EXT2: variants seen among roughly 807,000 people sequenced by gnomAD.
The protein encoded by EXT2 is exostosin-2.
Under a neutral mutation model 81.6 loss-of-function variants are expected in EXT2, and 53 were observed. The observed-to-expected ratio is 0.65, with a 90% confidence interval of 0.52 to 0.82. The LOEUF is 0.82. EXT2 is among the 40% of genes least tolerant of loss of function. The pLI, the probability that EXT2 is intolerant of heterozygous loss-of-function variation, is 0.00. For synonymous variants in EXT2, 320 were observed against 340.0 expected (o/e 0.94, Z 0.65); for missense variants, 774 against 910.2 (o/e 0.85, Z 1.93).
At position 44,117,152 on chromosome 11, in the gene EXT2, A is replaced by G. The variant is rs138899966; in HGVS notation, c.743+2851A>G. On this transcript the variant is annotated intron_variant, in intron 4 of 13. Transcript: ENST00000533608. ...GCCCAGCTAATTTTGTATTTTTTGC[A>G]GAGACGGGGTTTCTCCATGTTTGTC... 5.7e-3 allele frequency among the ~76,000 whole-genome samples: 871 copies of G among 152,086 alleles called. 6 individuals carry two copies. The highest frequency in any genetic ancestry group is 0.011 in the Admixed American group (167 of 15,282).
intron 4 of EXT2, among the ~76,000 whole-genome samples, chr11:44,117,941 A>G (rs970095641): frequency 3.3e-5 from 5 of 151,960 alleles, no homozygotes; most frequent in African/African-American, 9.7e-5. Flanking sequence ...TTTTATAGAG[A>G]TGGGTTCTTG....
At chr11:44,100,434 A>G (rs183056741) in intron 1 of EXT2, among the ~76,000 whole-genome samples, 57 of 152,320 alleles carry the variant, frequency 3.7e-4, no homozygotes, top group African/African-American at 1.3e-3. Flanking sequence ...GACTGTCACC[A>G]CGAGTGGTTT....
intron 7 of EXT2, among the ~76,000 whole-genome samples, chr11:44,160,011 CA>C (rs1363759122): frequency 2.0e-5 from 3 of 152,212 alleles, no homozygotes; most frequent in African/African-American, 7.2e-5. Context: ...TTGTTAAGAA[CA>C]AAATGCTCTG....
intron 10 of EXT2, among the ~76,000 whole-genome samples, chr11:44,225,920 GTCT>G (rs1955833799): frequency 6.6e-6 from 1 of 152,216 alleles, no homozygotes; most frequent in South Asian, 2.1e-4. Context: ...CAAAGTGTGA[GTCT>G]TCTTATTATC....
chr11:44,240,162 A>T (rs1389273507), intron 13 of EXT2, among the ~76,000 whole-genome samples: 4 of 152,186 alleles, frequency 2.6e-5, no homozygotes, highest in African/African-American at 7.2e-5. Context: ...TTGGATATGG[A>T]TGGCTAACTG....
chr11:44,205,232 G>A (rs1955568394), intron 9 of EXT2, among the ~76,000 whole-genome samples: 1 of 152,150 alleles, frequency 6.6e-6, no homozygotes, highest in East Asian at 1.9e-4. Flanking sequence ...TAAAGCATCT[G>A]GCATATATTA....
At chr11:44,131,938 A>T (rs535647301) in intron 7 of EXT2, among the ~76,000 whole-genome samples, 30 of 152,240 alleles carry the variant, frequency 2.0e-4, no homozygotes, top group African/African-American at 6.5e-4. Context: ...GGATTTCACC[A>T]TGTTGGCCAG....
At chr11:44,242,302 G>A (rs1956046760) in intron 13 of EXT2, among the ~76,000 whole-genome samples, 1 of 152,134 alleles carries the variant, frequency 6.6e-6, no homozygotes, top group African/African-American at 2.4e-5. Context: ...GCCATGCTTT[G>A]ACCCCATAAT....
chr11:44,103,697 A>T, intron 1 of EXT2: 1 of 454,834 alleles, frequency 2.2e-6, no homozygotes, highest in African/African-American at 2.1e-5. Flanking sequence ...CAGTGTCTTT[A>T]ATGTTATAGA....
chr11:44,221,153 A>AG (rs1955777351), intron 10 of EXT2, among the ~76,000 whole-genome samples: 1 of 152,142 alleles, frequency 6.6e-6, no homozygotes, highest in Admixed American at 6.5e-5. Context: ...TGCCCATCTG[A>AG]GGGTCTCTCC....
At chr11:44,215,865 ATTTTTTTTTT>A (rs34411687) in intron 10 of EXT2, among the ~76,000 whole-genome samples, 1 of 127,828 alleles carries the variant, frequency 7.8e-6, no homozygotes, top group Non-Finnish European at 1.6e-5. Context: ...CCATTTGGGA[ATTTTTTTTTT>A]TTTTTTTTTT....
rs545774716 is a variant in EXT2, at chr11:44,248,737, C to T, written c.*4450C>T. ...CATTAAATGGACTGTTAGGGATGCC[C>T]AGCTTCCCCAATTTCCTGGGAGGGT... On this transcript the variant is annotated 3_prime_UTR_variant, in exon 14 of 14. Transcript: ENST00000533608. 4.6e-5 allele frequency among the ~76,000 whole-genome samples: 7 copies of T among 152,292 alleles called. No homozygotes were observed. Among genetic ancestry groups the T allele is most frequent in the Non-Finnish European group, 8.8e-5 (6 of 68,028 alleles).
At chr11:44,105,382 C>T (rs1394859690) in intron 1 of EXT2, among the ~76,000 whole-genome samples, 3 of 152,290 alleles carry the variant, frequency 2.0e-5, no homozygotes, top group South Asian at 2.1e-4. Context: ...ACCTCCGCCT[C>T]CCAGGTTTAA....
At chr11:44,240,502 T>G (rs1956024383) in intron 13 of EXT2, among the ~76,000 whole-genome samples, 1 of 152,154 alleles carries the variant, frequency 6.6e-6, no homozygotes, top group South Asian at 2.1e-4. Flanking sequence ...GCAGTATCAC[T>G]CTACAATTGC....
chr11:44,151,618 A>G (rs991744106), intron 7 of EXT2, among the ~76,000 whole-genome samples: 3 of 152,168 alleles, frequency 2.0e-5, no homozygotes, highest in Admixed American at 2.0e-4. Context: ...TTATTCACCT[A>G]CTGAAGGGCA....
At chr11:44,166,851 C>T (rs1955000995) in intron 7 of EXT2, among the ~76,000 whole-genome samples, 1 of 152,212 alleles carries the variant, frequency 6.6e-6, no homozygotes, top group African/African-American at 2.4e-5. Context: ...TTAACTTCTG[C>T]TCGGATAAGA....
chr11:44,153,020 A>G (rs1954813178), intron 7 of EXT2, among the ~76,000 whole-genome samples: 1 of 152,144 alleles, frequency 6.6e-6, no homozygotes, highest in Non-Finnish European at 1.5e-5. Context: ...ACCTCTCTAT[A>G]CAAATTTAGA....
At chr11:44,103,347 A>T (rs1287545060) in intron 1 of EXT2, among the ~76,000 whole-genome samples, 3 of 152,170 alleles carry the variant, frequency 2.0e-5, no homozygotes, top group Non-Finnish European at 4.4e-5. Context: ...CAGTTGGATT[A>T]TCCCATCGGC....
chr11:44,144,116 G>T, intron 7 of EXT2: 1 of 772,550 alleles, frequency 1.3e-6, no homozygotes, highest in Non-Finnish European at 2.2e-6. Context: ...CTTTCTCCTG[G>T]TTTTAGCATA....
Sources: gnomAD v4.1 joint callset for allele counts (sites outside exome capture counted in the v4.1 genomes callset) on GRCh38, gnomAD v4.1.1 for gene constraint, MANE v1.5 for transcripts, NCBI Gene and HGNC (gene_info 2026-07-23, HGNC 2026-07-21) for gene names.